PTPRQ: variants seen among roughly 807,000 people sequenced by gnomAD.
PTPRQ encodes the protein phosphatidylinositol phosphatase PTPRQ.
A neutral mutation model predicts 246.0 loss-of-function variants in PTPRQ; 199 were observed. The observed-to-expected ratio is 0.81, with a 90% CI of 0.72 to 0.91. PTPRQ has a LOEUF of 0.91. Ranked by LOEUF, PTPRQ falls within the 40% of genes least tolerant of loss-of-function variation. The pLI, the probability that PTPRQ is intolerant of heterozygous loss-of-function variation, is 0.00. For synonymous variants in PTPRQ, 869 were observed against 853.2 expected, an observed-to-expected ratio of 1.02 and a Z score of -0.32; for missense variants, 2,624 against 2,528.4, an observed-to-expected ratio of 1.04 and a Z score of -0.81.
At chr12:80,469,549 T>C (rs1252006488) in intron 7 of PTPRQ, among the ~76,000 whole-genome samples, 1 of 152,088 alleles carries the variant, frequency 6.6e-6, no homozygotes, top group African/African-American at 2.4e-5. Flanking sequence ...ATGAGATAAA[T>C]AATAAAGCCA....
intron 26 of PTPRQ, among the ~76,000 whole-genome samples, chr12:80,590,746 T>G (rs535717224): frequency 1.3e-5 from 2 of 151,964 alleles, no homozygotes; most frequent in East Asian, 3.9e-4. Context: ...CTTAACATGG[T>G]TAACAAGCCC....
intron 43 of PTPRQ, among the ~76,000 whole-genome samples, chr12:80,677,527 A>AT (rs1168535930): frequency 1.3e-5 from 2 of 152,230 alleles, no homozygotes; most frequent in Admixed American, 1.3e-4. Flanking sequence ...AACACTTATT[A>AT]TACAACTACT....
At chr12:80,446,439 T>G (rs2120388528) in intron 3 of PTPRQ, among the ~76,000 whole-genome samples, 1 of 152,038 alleles carries the variant, frequency 6.6e-6, no homozygotes, top group African/African-American at 2.4e-5. Flanking sequence ...ATGTCTTTTT[T>G]TTAAATTATT....
intron 25 of PTPRQ, among the ~76,000 whole-genome samples, chr12:80,576,661 T>C (rs1686628551): frequency 6.6e-6 from 1 of 152,140 alleles, no homozygotes; most frequent in African/African-American, 2.4e-5. Context: ...CTTTTTTTTT[T>C]TCCTATTCTA....
At chr12:80,535,769 G>A (rs1895967558) in intron 19 of PTPRQ, among the ~76,000 whole-genome samples, 1 of 152,150 alleles carries the variant, frequency 6.6e-6, no homozygotes, top group South Asian at 2.1e-4. Flanking sequence ...AAGGATAATT[G>A]GAATGATTAT....
chr12:80,619,133 A>C (rs1028040511), intron 30 of PTPRQ, among the ~76,000 whole-genome samples: 1 of 151,556 alleles, frequency 6.6e-6, no homozygotes, highest in African/African-American at 2.4e-5. Context: ...TTTAATATGC[A>C]AAGAGGAGTC....
intron 17 of PTPRQ, among the ~76,000 whole-genome samples, chr12:80,513,982 CAG>C (rs754328100): frequency 6.6e-6 from 1 of 152,112 alleles, no homozygotes; most frequent in African/African-American, 2.4e-5. Flanking sequence ...TTGCTTGACA[CAG>C]AGATTTTCTA....
chr12:80,590,633 A>G (rs1897764826), intron 26 of PTPRQ, among the ~76,000 whole-genome samples: 1 of 135,558 alleles, frequency 7.4e-6, no homozygotes, highest in Admixed American at 8.7e-5. Flanking sequence ...GCACCACTGC[A>G]CTCCAGCCTG....
intron 28 of PTPRQ, 63 bp from the exon 29 acceptor site, chr12:80,613,529 T>C: frequency 7.1e-7 from 1 of 1,412,404 alleles, no homozygotes; most frequent in Non-Finnish European, 9.4e-7. Context: ...GCAAATAAAT[T>C]TATGTGGAGA....
chr12:80,595,654 T>G (rs1281360368), intron 26 of PTPRQ, among the ~76,000 whole-genome samples: 2 of 151,824 alleles, frequency 1.3e-5, no homozygotes, highest in Non-Finnish European at 2.9e-5. Flanking sequence ...CATGCTGGTG[T>G]GCTGCACCCA....
At chr12:80,474,112 C>G (rs1482226411) in intron 8 of PTPRQ, among the ~76,000 whole-genome samples, 1 of 152,148 alleles carries the variant, frequency 6.6e-6, no homozygotes, top group Non-Finnish European at 1.5e-5. Flanking sequence ...ACTAATTAAT[C>G]CTGGTTTCAG....
At position 80,489,613 on chromosome 12, in the gene PTPRQ, A is replaced by T. The variant is rs149881527; in HGVS notation, c.1360-3662A>T. 6.3e-3 allele frequency among the ~76,000 whole-genome samples: 952 copies of T among 152,042 alleles called. 12 individuals are homozygous for T. Among genetic ancestry groups the T allele is most frequent in the African/African-American group, 0.022 (914 of 41,512 alleles). On this transcript the variant is annotated intron_variant, in intron 9 of 44. Transcript: ENST00000644991. ...GTGCATATTTTCCAGTTTGTCAAGG[A>T]TCCTCTTACTCACTTGAACACAATA...
At chr12:80,538,229 G>GC (rs1243166341) in intron 19 of PTPRQ, among the ~76,000 whole-genome samples, 3 of 152,220 alleles carry the variant, frequency 2.0e-5, no homozygotes, top group Admixed American at 1.3e-4. Context: ...GATAATTTGT[G>GC]CCAAAAGACA....
chr12:80,502,823 G>A (rs908792779), intron 14 of PTPRQ, among the ~76,000 whole-genome samples: 3 of 151,804 alleles, frequency 2.0e-5, no homozygotes, highest in Non-Finnish European at 2.9e-5. Flanking sequence ...AATGAGGTAC[G>A]GTGGGGTAAA....
Position 80,495,107 on chromosome 12 carries a change from T to C in PTPRQ, c.1702+13T>C, listed in dbSNP as rs1371691750. 6.5e-7 allele frequency: 1 copy of C among 1,550,334 alleles called. No individual in the cohort carries two copies. Among genetic ancestry groups the C allele is most frequent in the South Asian group, 1.2e-5 (1 of 84,008 alleles). On this transcript the variant is annotated intron_variant, in intron 11 of 44. Transcript: ENST00000644991. ...ACACGTCAGCAAGGTAAGGATGTATTTCCTTTGAAACAATTAACTGCAAAT... is the reference window on the plus strand; with the variant it reads ...ACACGTCAGCAAGGTAAGGATGTATCTCCTTTGAAACAATTAACTGCAAAT...
chr12:80,648,290 CCTCT>C (rs1592756661), intron 35 of PTPRQ, among the ~76,000 whole-genome samples: 2 of 151,898 alleles, frequency 1.3e-5, no homozygotes, highest in African/African-American at 2.4e-5. Flanking sequence ...ATGATACGCC[CCTCT>C]CTAAGTTTGT....
At position 80,610,573 on chromosome 12, in the gene PTPRQ, A is replaced by G. The variant is rs918461118; in HGVS notation, c.4866A>G (p.Ala1622=). 1 of 1,543,708 alleles carries G rather than the reference A, an allele frequency of 6.5e-7. No individual in the cohort carries two copies. The highest frequency in any genetic ancestry group is 8.8e-7 in the Non-Finnish European group (1 of 1,141,510). ...ITAFTGNISA[A]YVEGKSSAEM... is the part of the protein sequence containing the mutation. ...CATTTACTGGGAACATTAGTGCTGC[A>G]TATGTAGAAGGGAAGTCAAGTGCTG... Residue 1622 remains alanine, a synonymous_variant, in exon 28 of 45, where the codon GCA becomes GCG. Transcript: ENST00000644991.
intron 39 of PTPRQ, among the ~76,000 whole-genome samples, chr12:80,666,983 C>T (rs1006386585): frequency 3.3e-5 from 5 of 152,010 alleles, no homozygotes; most frequent in African/African-American, 7.2e-5. Context: ...TGGAAGCCCA[C>T]GTGAAACTGT....
intron 19 of PTPRQ, among the ~76,000 whole-genome samples, chr12:80,539,324 G>T (rs1896079899): frequency 1.3e-5 from 2 of 152,068 alleles, no homozygotes; most frequent in South Asian, 4.1e-4. Context: ...AGCGATTTGA[G>T]TTCATAGAAA....
Sources: gnomAD v4.1 joint callset for allele counts (sites outside exome capture counted in the v4.1 genomes callset) on GRCh38, gnomAD v4.1.1 for gene constraint, MANE v1.5 for transcripts, NCBI Gene and HGNC (gene_info 2026-07-23, HGNC 2026-07-21) for gene names.